Variants in FGD4 observed in about 807,000 individuals in gnomAD.
The protein encoded by FGD4 is FYVE, RhoGEF and PH domain-containing protein 4.
FGD4 carries 42 observed loss-of-function variants against 102.0 expected under a neutral mutation model. The observed-to-expected ratio is 0.41, with a 90% confidence interval of 0.32 to 0.53. FGD4 has a LOEUF of 0.53. Ranked by LOEUF, FGD4 falls within the 20% of genes least tolerant of loss-of-function variation. FGD4 has a pLI of 0.21. For missense variants in FGD4, 902 were observed against 1,078.2 expected (o/e 0.84, Z 2.29); for synonymous variants, 380 against 375.7 (o/e 1.01, Z -0.13).
At chr12:32,500,775 A>G (rs1044858716) in intron 1 of FGD4, among the ~76,000 whole-genome samples, 3 of 152,172 alleles carry the variant, frequency 2.0e-5, no homozygotes, top group Non-Finnish European at 2.9e-5. Flanking sequence ...TCAGTTGTGT[A>G]TACATTAATA....
chr12:32,643,835 T>G lies in FGD4; in HGVS notation c.*3302T>G, dbSNP rs1360186773. On this transcript the variant is annotated 3_prime_UTR_variant, in exon 17 of 17. Transcript: ENST00000534526. Reference sequence around the variant, plus strand: ...TTTTACTTTTCCTTGTCCTTACTTTTTGGAAACAGGGTGGTTGCTTTTATT... The same window carrying G: ...TTTTACTTTTCCTTGTCCTTACTTTGTGGAAACAGGGTGGTTGCTTTTATT... 2 of 152,068 alleles carry G rather than the reference T, an allele frequency of 1.3e-5. No homozygotes were observed. The highest frequency in any genetic ancestry group is 4.8e-5 in the African/African-American group (2 of 41,452). The allele number at this position is 152,068 out of a possible 1,614,324, so 9.4% of individuals were successfully genotyped here.
intron 1 of FGD4, among the ~76,000 whole-genome samples, chr12:32,472,465 C>T (rs1943439941): frequency 1.3e-5 from 2 of 152,194 alleles, no homozygotes; most frequent in Admixed American, 1.3e-4. Flanking sequence ...TACTGGGTCC[C>T]CCAGCAGTGC....
intron 2 of FGD4, among the ~76,000 whole-genome samples, chr12:32,569,223 A>G (rs1002345405): frequency 2.0e-5 from 3 of 152,098 alleles, no homozygotes; most frequent in African/African-American, 7.2e-5. Context: ...ATATCCTCTT[A>G]ATTGTCCACC....
At chr12:32,409,330 C>T (rs535336271) in intron 1 of FGD4, among the ~76,000 whole-genome samples, 1 of 141,302 alleles carries the variant, frequency 7.1e-6, no homozygotes, top group East Asian at 2.2e-4. Context: ...CTCTTGTCCC[C>T]CAAGCTGGAG....
chr12:32,459,099 T>C (rs1342279762), intron 1 of FGD4, among the ~76,000 whole-genome samples: 2 of 152,102 alleles, frequency 1.3e-5, no homozygotes, highest in Non-Finnish European at 2.9e-5. Context: ...AATTAATAAT[T>C]TTGAAGTATT....
chr12:32,413,277 T>C (rs1941280501), intron 1 of FGD4, among the ~76,000 whole-genome samples: 1 of 151,600 alleles, frequency 6.6e-6, no homozygotes, highest in Non-Finnish European at 1.5e-5. Context: ...TTAAAGTATA[T>C]ATAAAAAAAA....
At chr12:32,591,597 G>GA (rs1162358442) in intron 4 of FGD4, among the ~76,000 whole-genome samples, 7 of 152,212 alleles carry the variant, frequency 4.6e-5, no homozygotes, top group African/African-American at 1.7e-4. Context: ...TTTGAAGAAT[G>GA]AATCGCTGAT....
intron 1 of FGD4, among the ~76,000 whole-genome samples, chr12:32,474,565 T>C (rs1943538263): frequency 6.6e-6 from 1 of 152,190 alleles, no homozygotes; most frequent in South Asian, 2.1e-4. Flanking sequence ...AGATTAGCGT[T>C]GCTTAGGCTG....
chr12:32,584,600 C>CA (rs201327811), intron 4 of FGD4, among the ~76,000 whole-genome samples: 21 of 148,772 alleles, frequency 1.4e-4, no homozygotes, highest in African/African-American at 4.2e-4. Context: ...CCCCCCCTCC[C>CA]AAAAAAAAAG....
chr12:32,466,567 A>G (rs539632891), intron 1 of FGD4, among the ~76,000 whole-genome samples: 1 of 152,128 alleles, frequency 6.6e-6, no homozygotes, highest in Non-Finnish European at 1.5e-5. Flanking sequence ...CCAACTTGAC[A>G]TATAAAATTA....
At chr12:32,441,490 C>G (rs899285333) in intron 1 of FGD4, among the ~76,000 whole-genome samples, 1 of 151,960 alleles carries the variant, frequency 6.6e-6, no homozygotes, top group African/African-American at 2.4e-5. Context: ...ACTGGTGACT[C>G]TGACTACGGT....
chr12:32,442,561 CTTTTTTTTTTT>C (rs35994170), intron 1 of FGD4, among the ~76,000 whole-genome samples: 1 of 107,124 alleles, frequency 9.3e-6, no homozygotes, highest in South Asian at 3.1e-4. Flanking sequence ...ATCTTTCATC[CTTTTTTTTTTT>C]TTTTTTTTGG....
At chr12:32,471,838 C>T (rs1204465975) in intron 1 of FGD4, among the ~76,000 whole-genome samples, 1 of 152,154 alleles carries the variant, frequency 6.6e-6, no homozygotes, top group Non-Finnish European at 1.5e-5. Flanking sequence ...CCAGAACCAG[C>T]ACAGCATCAT....
chr12:32,470,211 A>T (rs1016145943), intron 1 of FGD4, among the ~76,000 whole-genome samples: 2 of 152,110 alleles, frequency 1.3e-5, no homozygotes, highest in African/African-American at 4.8e-5. Flanking sequence ...GAAAGCCTCC[A>T]AGTTCCATAT....
At chr12:32,439,862 T>G (rs914420944) in intron 1 of FGD4, among the ~76,000 whole-genome samples, 1 of 152,200 alleles carries the variant, frequency 6.6e-6, no homozygotes, top group East Asian at 1.9e-4. Context: ...CATTTTTTTT[T>G]TCTTTAGTCT....
chr12:32,481,818 CA>C (rs35076375), intron 1 of FGD4, among the ~76,000 whole-genome samples: 84,740 of 129,994 alleles, frequency 0.65, 26,700 homozygotes, highest in Middle Eastern at 0.81. Flanking sequence ...AAGACTGTCT[CA>C]AAAAAAAAAA....
chr12:32,618,054 A>C (rs1037616761), intron 10 of FGD4, among the ~76,000 whole-genome samples: 1 of 152,256 alleles, frequency 6.6e-6, no homozygotes, highest in African/African-American at 2.4e-5. Context: ...GGAGAAACAT[A>C]CACATTTATA....
At chr12:32,605,154 G>A (rs1288911029) in intron 7 of FGD4, among the ~76,000 whole-genome samples, 1 of 150,044 alleles carries the variant, frequency 6.7e-6, no homozygotes, top group Non-Finnish European at 1.5e-5. Flanking sequence ...GGCCAGGCTG[G>A]TCTCAAACTC....
intron 1 of FGD4, chr12:32,534,426 A>C (rs1262213078): frequency 1.3e-6 from 2 of 1,523,334 alleles, no homozygotes; most frequent in African/African-American, 2.8e-5. Flanking sequence ...TAAAAGAGTA[A>C]AGCCAAATAT....
Sources: gnomAD v4.1 joint callset for allele counts (sites outside exome capture counted in the v4.1 genomes callset) on GRCh38, gnomAD v4.1.1 for gene constraint, MANE v1.5 for transcripts, NCBI Gene and HGNC (gene_info 2026-07-23, HGNC 2026-07-21) for gene names.